Variants in CYB5R4 observed in about 807,000 individuals in gnomAD.
The protein encoded by CYB5R4 is cytochrome b5 reductase 4.
In CYB5R4, 55 loss-of-function variants were observed where a neutral mutation model predicts 70.2. That is an observed-to-expected ratio of 0.78 (90% CI 0.63 to 0.98). The LOEUF (loss-of-function observed/expected upper bound fraction) is 0.98, where lower values mean the gene tolerates loss of function less well. Among genes scored for constraint, CYB5R4 ranks in the 50% least tolerant of loss-of-function variants. CYB5R4 has a pLI of 0.00. For missense variants in CYB5R4, 562 were observed against 612.6 expected (o/e 0.92, Z 0.87); for synonymous variants, 197 against 199.5 (o/e 0.99, Z 0.11).
At chr6:83,884,080 T>TATTAATATTAATATTAATTAATTA (rs2099459886) in intron 2 of CYB5R4, among the ~76,000 whole-genome samples, 1 of 151,504 alleles carries the variant, frequency 6.6e-6, no homozygotes, top group African/African-American at 2.4e-5. Context: ...GGAGGGAGAT[T>TATTAATATTAATATTAATTAATTA]AGTAAAATCT....
chr6:83,914,817 G>A (rs1182303526), intron 5 of CYB5R4, among the ~76,000 whole-genome samples: 1 of 149,526 alleles, frequency 6.7e-6, no homozygotes, highest in African/African-American at 2.5e-5. Flanking sequence ...TTACGGGCGT[G>A]AGCCACTGTG....
At chr6:83,871,390 C>G (rs1346833283) in intron 2 of CYB5R4, among the ~76,000 whole-genome samples, 4 of 152,186 alleles carry the variant, frequency 2.6e-5, no homozygotes, top group Non-Finnish European at 5.9e-5. Context: ...TTACTAACAT[C>G]TAAGATTATT....
intron 3 of CYB5R4, among the ~76,000 whole-genome samples, chr6:83,900,623 A>G (rs1460591091): frequency 1.3e-5 from 2 of 152,150 alleles, no homozygotes; most frequent in East Asian, 1.9e-4. Context: ...TAGGTCTCTA[A>G]GGACTTGTTT....
intron 14 of CYB5R4, among the ~76,000 whole-genome samples, chr6:83,947,174 A>T (rs184271473): frequency 6.6e-6 from 1 of 152,328 alleles, no homozygotes; most frequent in Non-Finnish European, 1.5e-5. Context: ...AGGCCACAGT[A>T]ACCAAAACGG....
chr6:83,862,501 G>A (rs1253829021), intron 1 of CYB5R4, among the ~76,000 whole-genome samples: 6 of 152,168 alleles, frequency 3.9e-5, no homozygotes, highest in East Asian at 1.9e-4. Context: ...GATCCATGCA[G>A]GGAAAGCAAC....
intron 7 of CYB5R4, among the ~76,000 whole-genome samples, chr6:83,919,760 CTGTGTGTGTGTGTGTG>C (rs58002492): frequency 3.7e-4 from 52 of 142,084 alleles, no homozygotes; most frequent in South Asian, 9.2e-4. Context: ...ATGTGTTTTT[CTGTGTGTGTGTGTGTG>C]TGTGTGTGTG....
intron 14 of CYB5R4, among the ~76,000 whole-genome samples, chr6:83,953,694 G>A (rs1038298324): frequency 6.6e-6 from 1 of 152,074 alleles, no homozygotes; most frequent in Non-Finnish European, 1.5e-5. Context: ...AACCTGATCT[G>A]GAGTTGTGAC....
chr6:83,865,905 T>C (rs752799811), intron 2 of CYB5R4, among the ~76,000 whole-genome samples: 1 of 152,186 alleles, frequency 6.6e-6, no homozygotes, highest in Admixed American at 6.5e-5. Flanking sequence ...GTACCAGCAA[T>C]CTGGAATGAG....
In CYB5R4 at chr6:83,966,560, A is replaced by G. The variant is rs1386623908; in HGVS notation, c.*6682A>G. 2 of 152,114 alleles carry G rather than the reference A, an allele frequency of 1.3e-5. No individual in the cohort carries two copies. The highest frequency in any genetic ancestry group is 2.4e-5 in the African/African-American group (1 of 41,412). The allele number at this position is 152,114 out of a possible 1,614,324, so 9.4% of individuals were successfully genotyped here. A position where few individuals can be genotyped will look rare whatever the true frequency, so the allele number is the denominator to read the frequency against. On this transcript the variant is annotated 3_prime_UTR_variant, in exon 16 of 16. Coordinates refer to ENST00000369681, the MANE Select transcript of CYB5R4 (RefSeq NM_016230.4). ...TACAAAATTAGCCAGGTGTGGTAGC[A>G]TAGGCCTGTAATCCCTGCTACTTGG...
At chr6:83,958,320 T>C (rs1419104959) in intron 15 of CYB5R4, among the ~76,000 whole-genome samples, 1 of 152,160 alleles carries the variant, frequency 6.6e-6, no homozygotes, top group Non-Finnish European at 1.5e-5. Flanking sequence ...AACCAAAGTA[T>C]GACTCAGAAC....
intron 2 of CYB5R4, among the ~76,000 whole-genome samples, chr6:83,886,798 T>A: frequency 6.6e-6 from 1 of 152,214 alleles, no homozygotes; most frequent in East Asian, 1.9e-4. Flanking sequence ...TTTTAATAAA[T>A]TTTAAAATTA....
chr6:83,939,048 C>T (rs1195612018), intron 12 of CYB5R4, among the ~76,000 whole-genome samples: 4 of 151,956 alleles, frequency 2.6e-5, no homozygotes, highest in Non-Finnish European at 5.9e-5. Flanking sequence ...GTTCGTCAGG[C>T]TGGTCTTGAA....
rs138237238 is a variant in CYB5R4, at chr6:83,896,245, C to T, written c.330+2623C>T. Among the ~76,000 whole-genome samples the T allele has an allele frequency of 1.4e-3, 207 of 152,250 alleles. 1 individual carries two copies. Among genetic ancestry groups the T allele is most frequent in the Non-Finnish European group, 1.5e-3 (100 of 68,014 alleles). ...AATACTGTCTTGATATCTTTACCTTCATTACCAATTTAGGTAACATGACAG... is the reference window on the plus strand; with the variant it reads ...AATACTGTCTTGATATCTTTACCTTTATTACCAATTTAGGTAACATGACAG... On this transcript the variant is annotated intron_variant, in intron 3 of 15. Coordinates refer to ENST00000369681, the MANE Select transcript of CYB5R4 (RefSeq NM_016230.4).
At chr6:83,914,099 G>A (rs576683834) in intron 4 of CYB5R4, among the ~76,000 whole-genome samples, 35 of 152,094 alleles carry the variant, frequency 2.3e-4, no homozygotes, top group African/African-American at 7.5e-4. Flanking sequence ...ATGATAACAC[G>A]GATGAAACTT....
rs926633701 is a variant in CYB5R4 at position 83,859,708 on chromosome 6, C to T, written c.-75C>T. Reference sequence around the variant, plus strand: ...GGTCGGGGGCTTGGCCTCTGCCCGGCCACAGAGCCGGAGCTGGAGGTGCTG... The same window carrying T: ...GGTCGGGGGCTTGGCCTCTGCCCGGTCACAGAGCCGGAGCTGGAGGTGCTG... On this transcript the variant is annotated 5_prime_UTR_variant, in exon 1 of 16. Coordinates refer to ENST00000369681, the MANE Select transcript of CYB5R4 (RefSeq NM_016230.4). The T allele has an allele frequency of 1.2e-5, 18 of 1,537,398 alleles. No individual in the cohort carries two copies. In the African/African-American group the frequency reaches 1.5e-4, roughly 13 times the overall value.
intron 2 of CYB5R4, among the ~76,000 whole-genome samples, chr6:83,872,552 G>T (rs960837487): frequency 6.6e-6 from 1 of 152,204 alleles, no homozygotes; most frequent in Non-Finnish European, 1.5e-5. Context: ...CAGGGGCTCA[G>T]ACCAAGTCCC....
intron 15 of CYB5R4, among the ~76,000 whole-genome samples, chr6:83,958,633 T>A (rs886561326): frequency 4.6e-5 from 7 of 152,174 alleles, no homozygotes; most frequent in African/African-American, 7.2e-5. Context: ...GCCCAGATAC[T>A]GAGAGGCTTT....
chr6:83,887,492 A>C (rs143419098), intron 2 of CYB5R4, among the ~76,000 whole-genome samples: 1 of 152,306 alleles, frequency 6.6e-6, no homozygotes, highest in African/African-American at 2.4e-5. Context: ...CTACCAGTAC[A>C]TTGCCTAGAG....
chr6:83,896,668 T>G (rs927148608), intron 3 of CYB5R4, among the ~76,000 whole-genome samples: 7 of 152,234 alleles, frequency 4.6e-5, no homozygotes, highest in African/African-American at 1.7e-4. Flanking sequence ...TATTTATCCA[T>G]TCCTTGTTTG....
Sources: allele counts gnomAD v4.1 joint callset (sites outside exome capture counted in the v4.1 genomes callset), GRCh38; gene constraint gnomAD v4.1.1; transcripts MANE v1.5; gene names NCBI Gene and HGNC (gene_info 2026-07-23, HGNC 2026-07-21).